The following FAM184A variants were observed in gnomAD, a reference collection of about 807,000 sequenced individuals.
The protein encoded by FAM184A is protein FAM184A.
In FAM184A, 99 loss-of-function variants were observed where a neutral mutation model predicts 143.8. The observed-to-expected ratio is 0.69, with a 90% CI of 0.58 to 0.81. The LOEUF (loss-of-function observed/expected upper bound fraction) is 0.81, where lower values mean the gene tolerates loss of function less well. Ranked by LOEUF, FAM184A falls within the 40% of genes least tolerant of loss-of-function variation. The pLI is 0.00. For missense variants in FAM184A, 1,217 were observed against 1,310.5 expected (o/e 0.93, Z 1.10); for synonymous variants, 427 against 446.4 (o/e 0.96, Z 0.55).
chr6:118,990,440 A>G (rs561872857), intron 9 of FAM184A, among the ~76,000 whole-genome samples: 40 of 152,334 alleles, frequency 2.6e-4, no homozygotes, highest in Non-Finnish European at 5.0e-4. Flanking sequence ...TCCAATCGGT[A>G]CAGTGCCCAA....
rs1784492041 is a variant in FAM184A at position 118,994,730 on chromosome 6, T to C, written c.2088+8169A>G. Among the ~76,000 whole-genome samples, 5 of 113,020 alleles carry C rather than the reference T, an allele frequency of 4.4e-5. No individual in the cohort carries two copies. In the South Asian group the frequency reaches 1.5e-3, roughly 34 times the overall value. 74.1% of individuals were successfully genotyped at this position (113,020 alleles called of 152,430 possible). A position where few individuals can be genotyped will look rare whatever the true frequency, so the allele number is the denominator to read the frequency against. On this transcript the variant is annotated intron_variant, in intron 9 of 17. Transcript: ENST00000338891. ...ATAAATAAATAAATAAATAAATAAA[T>C]AAATAAAAAGCCAGAGGGTTATCAT... is the stretch of plus-strand genomic sequence containing the variant.
chr6:119,011,546 C>T (rs754449417), intron 5 of FAM184A, 115 bp from the exon 6 acceptor site: 1 of 654,778 alleles, frequency 1.5e-6, no homozygotes, highest in Non-Finnish European at 2.5e-6. Flanking sequence ...TTCAAATTAG[C>T]CTTACCCTTA....
intron 1 of FAM184A, among the ~76,000 whole-genome samples, chr6:119,115,794 C>G (rs775410245): frequency 2.8e-5 from 4 of 142,794 alleles, no homozygotes; most frequent in Non-Finnish European, 6.1e-5. Context: ...GAAACCCCAT[C>G]TCTACTAAAA....
At chr6:119,120,527 G>A (rs559938054) in intron 1 of FAM184A, among the ~76,000 whole-genome samples, 38 of 152,342 alleles carry the variant, frequency 2.5e-4, no homozygotes, top group African/African-American at 8.9e-4. Flanking sequence ...CAGAGGTGGA[G>A]TTGCTGTGTC....
chr6:118,975,144 A>T lies in FAM184A; in HGVS notation c.2648T>A (p.Ile883Asn), dbSNP rs1157412932. The T allele has an allele frequency of 1.2e-6, 2 of 1,612,858 alleles. No individual in the cohort carries two copies. Among genetic ancestry groups the T allele is most frequent in the Non-Finnish European group, 1.7e-6 (2 of 1,179,390 alleles). Residue 883 changes from isoleucine (I) to asparagine (N), a missense_variant, in exon 13 of 18, where the codon ATC becomes AAC. Coordinates refer to ENST00000338891, the MANE Select transcript of FAM184A (RefSeq NM_024581.6). ...CTGAACCTCCTTATCCAATTCAGAG[A>T]TGTGATGCTCTCTGTGTCTTAATTC... is the stretch of plus-strand genomic sequence containing the variant. ...QEELRHREHH[I>N]SELDKEVQHL...
chr6:118,974,411 TATATA>T lies in FAM184A; in HGVS notation c.2915+12_2915+16del, dbSNP rs762492068. On this transcript the variant is annotated intron_variant, in intron 14 of 17. Transcript: ENST00000338891. Reference sequence around the variant, plus strand: ...TTTATTATCCACATATGAATTTTCTTATATAATATGACTTACGACACTTGTAAAGC... The same window carrying T: ...TTTATTATCCACATATGAATTTTCTTATATGACTTACGACACTTGTAAAGC... 1.9e-6 allele frequency: 3 copies of T among 1,596,198 alleles called. No individual in the cohort carries two copies. The highest frequency in any genetic ancestry group is 1.7e-6 in the Non-Finnish European group (2 of 1,172,288).
At chr6:119,068,996 G>A (rs1008538390) in intron 1 of FAM184A, 11 of 345,258 alleles carry the variant, frequency 3.2e-5, no homozygotes, top group Admixed American at 3.2e-5. Context: ...TAAAATATAT[G>A]ATTAATATAT....
chr6:119,025,446 T>A, intron 1 of FAM184A: 1 of 518,976 alleles, frequency 1.9e-6, no homozygotes, highest in Non-Finnish European at 3.8e-6. Flanking sequence ...TCTCTTCATA[T>A]TTCAAATGCT....
At chr6:119,090,328 G>A (rs1017861826) in intron 1 of FAM184A, among the ~76,000 whole-genome samples, 4 of 152,250 alleles carry the variant, frequency 2.6e-5, no homozygotes, top group Non-Finnish European at 4.4e-5. Context: ...CTCACTGATC[G>A]AGGATGGCTG....
intron 1 of FAM184A, among the ~76,000 whole-genome samples, chr6:119,067,571 G>C (rs886490981): frequency 1.3e-5 from 2 of 152,168 alleles, no homozygotes; most frequent in Non-Finnish European, 2.9e-5. Context: ...TGGCTTCACT[G>C]TTAATGGATC....
intron 6 of FAM184A, among the ~76,000 whole-genome samples, chr6:119,007,361 G>A (rs535985877): frequency 1.3e-5 from 2 of 151,796 alleles, no homozygotes; most frequent in South Asian, 2.1e-4. Flanking sequence ...TGTAAATACA[G>A]ACATTACAAA....
chr6:119,114,597 A>G (rs1345463024), intron 1 of FAM184A, among the ~76,000 whole-genome samples: 1 of 152,234 alleles, frequency 6.6e-6, no homozygotes, highest in Non-Finnish European at 1.5e-5. Context: ...GCTGCAGTGC[A>G]GTGGCATGAT....
At chr6:119,003,870 A>G (rs1334923) in intron 7 of FAM184A, among the ~76,000 whole-genome samples, 4,849 of 152,328 alleles carry the variant, frequency 0.032, 278 homozygotes, top group African/African-American at 0.11. Context: ...TTATTTAAAT[A>G]GTTTAAAGTC....
chr6:119,105,984 T>G (rs1788766557), intron 1 of FAM184A, among the ~76,000 whole-genome samples: 1 of 152,166 alleles, frequency 6.6e-6, no homozygotes. Context: ...AGCTCCATAT[T>G]TAAACAAACC....
intron 6 of FAM184A, among the ~76,000 whole-genome samples, chr6:119,010,862 G>A: frequency 6.6e-6 from 1 of 152,124 alleles, no homozygotes; most frequent in East Asian, 1.9e-4. Context: ...TTGAAGAAGA[G>A]CTCTAACTTC....
intron 1 of FAM184A, among the ~76,000 whole-genome samples, chr6:119,104,845 G>A (rs535530053): frequency 5.4e-4 from 82 of 152,274 alleles, no homozygotes; most frequent in Non-Finnish European, 1.1e-3. Context: ...CAAGGTCAAC[G>A]TCAATAGTGA....
intron 3 of FAM184A, among the ~76,000 whole-genome samples, chr6:119,021,019 T>C (rs749691756): frequency 8.6e-5 from 13 of 151,992 alleles, no homozygotes; most frequent in South Asian, 2.1e-4. Flanking sequence ...ATAGAAAGGA[T>C]AGTTTAAGGC....
intron 11 of FAM184A, 88 bp from the exon 12 acceptor site, chr6:118,976,132 T>G (rs2114570612): frequency 1.5e-6 from 2 of 1,321,924 alleles, no homozygotes; most frequent in Admixed American, 2.4e-5. Flanking sequence ...AAAAATTATT[T>G]CAAAAATTAG....
Position 119,022,951 on chromosome 6 carries a change from T to G in FAM184A, c.1144A>C (p.Lys382Gln), listed in dbSNP as rs758076500. Reference sequence around the variant, plus strand: ...AAACTGTGGTCACACATACTAGCTTTGAGGACAAGATCTGAAGCTTGCTGT... The same window carrying G: ...AAACTGTGGTCACACATACTAGCTTGGAGGACAAGATCTGAAGCTTGCTGT... ...LQQQASDLVLKASHIGMLQAT... is the reference protein window; with the variant it reads ...LQQQASDLVLQASHIGMLQAT... Residue 382 changes from lysine to glutamine, a missense_variant, in exon 3 of 18, where the codon AAA becomes CAA. Transcript: ENST00000338891. 3.1e-6 allele frequency: 5 copies of G among 1,614,132 alleles called. No homozygotes were observed. Among genetic ancestry groups the G allele is most frequent in the Non-Finnish European group, 4.2e-6 (5 of 1,180,016 alleles).
Sources: allele counts gnomAD v4.1 joint callset (sites outside exome capture counted in the v4.1 genomes callset), GRCh38; gene constraint gnomAD v4.1.1; transcripts MANE v1.5; gene names NCBI Gene and HGNC (gene_info 2026-07-23, HGNC 2026-07-21).